PTPRD: variants seen among roughly 807,000 people sequenced by gnomAD.
PTPRD encodes the protein receptor-type tyrosine-protein phosphatase delta.
PTPRD carries 34 observed loss-of-function variants against 214.5 expected under a neutral mutation model. The observed-to-expected ratio is 0.16, with a 90% confidence interval of 0.12 to 0.21. The LOEUF (loss-of-function observed/expected upper bound fraction) is 0.21, where lower values mean the gene tolerates loss of function less well. PTPRD is among the 10% of genes least tolerant of loss of function. PTPRD has a pLI of 1.00. For synonymous variants in PTPRD, 1,128 were observed against 845.7 expected, an observed-to-expected ratio of 1.33 and a Z score of -5.79; for missense variants, 2,545 against 2,398.7, an observed-to-expected ratio of 1.06 and a Z score of -1.27.
intron 4 of PTPRD, among the ~76,000 whole-genome samples, chr9:10,023,901 T>C (rs1589137308): frequency 6.6e-6 from 1 of 152,258 alleles, no homozygotes; most frequent in Non-Finnish European, 1.5e-5. Flanking sequence ...ACTTCAGTGG[T>C]TTACAATATA....
intron 10 of PTPRD, among the ~76,000 whole-genome samples, chr9:9,049,107 G>A (rs1451451625): frequency 6.6e-6 from 1 of 152,168 alleles, no homozygotes; most frequent in Non-Finnish European, 1.5e-5. Context: ...CATTATCACT[G>A]TCTTCAAGAC....
intron 3 of PTPRD, among the ~76,000 whole-genome samples, chr9:10,063,242 T>C (rs558684600): frequency 6.6e-6 from 1 of 152,188 alleles, no homozygotes; most frequent in South Asian, 2.1e-4. Context: ...TTTTAACCAA[T>C]TCATACTGAC....
intron 3 of PTPRD, among the ~76,000 whole-genome samples, chr9:10,040,381 C>T (rs548184774): frequency 9.1e-4 from 139 of 152,122 alleles, no homozygotes; most frequent in African/African-American, 3.1e-3. Context: ...ATAAGGGGTA[C>T]GAGGAGCAGA....
rs1436975275 is a variant in PTPRD at position 10,568,080 on chromosome 9, AG to A, written c.-600+44317del. Reference sequence around the variant, plus strand: ...TGCTGCACCCATTAACTCGTCATTTAGCATTAGGTATATCTCCTAATGCTAC... The same window carrying A: ...TGCTGCACCCATTAACTCGTCATTTACATTAGGTATATCTCCTAATGCTAC... On this transcript the variant is annotated intron_variant, in intron 2 of 45. Coordinates refer to ENST00000381196, the MANE Select transcript of PTPRD (RefSeq NM_002839.4). 5.3e-5 allele frequency among the ~76,000 whole-genome samples: 8 copies of A among 151,414 alleles called. No individual in the cohort carries two copies. In the East Asian group the frequency reaches 1.4e-3, roughly 26 times the overall value.
At chr9:9,124,553 C>T (rs566271095) in intron 10 of PTPRD, among the ~76,000 whole-genome samples, 34 of 152,240 alleles carry the variant, frequency 2.2e-4, no homozygotes, top group African/African-American at 7.7e-4. Context: ...CAATTATAGA[C>T]TCTCAGCTCT....
intron 6 of PTPRD, among the ~76,000 whole-genome samples, chr9:9,760,867 T>A (rs2098648949): frequency 6.6e-6 from 1 of 152,058 alleles, no homozygotes; most frequent in Admixed American, 6.5e-5. Flanking sequence ...TATATACCTA[T>A]CAGAATGGCT....
At chr9:8,956,988 G>A (rs894044478) in intron 11 of PTPRD, among the ~76,000 whole-genome samples, 3 of 151,880 alleles carry the variant, frequency 2.0e-5, no homozygotes, top group Middle Eastern at 3.4e-3. Flanking sequence ...ATGTCCCTGC[G>A]TTAATGGCAG....
chr9:10,371,395 C>CTGTT (rs2097614447), intron 2 of PTPRD, among the ~76,000 whole-genome samples: 1 of 152,014 alleles, frequency 6.6e-6, no homozygotes, highest in Non-Finnish European at 1.5e-5. Context: ...TTTTTCCTCA[C>CTGTT]TGTTTCGCTC....
chr9:10,253,542 T>C (rs10120753), intron 3 of PTPRD, among the ~76,000 whole-genome samples: 187 of 152,322 alleles, frequency 1.2e-3, no homozygotes, highest in African/African-American at 3.1e-3. Context: ...AATTAAAACA[T>C]AGTACATGTC....
chr9:8,990,720 T>C (rs886064144), intron 11 of PTPRD, among the ~76,000 whole-genome samples: 4 of 152,130 alleles, frequency 2.6e-5, no homozygotes, highest in South Asian at 2.1e-4. Flanking sequence ...CCTTGTTTGA[T>C]AGTAGTCATA....
intron 5 of PTPRD, among the ~76,000 whole-genome samples, chr9:9,909,264 G>A (rs969379129): frequency 6.6e-6 from 1 of 150,936 alleles, no homozygotes; most frequent in Non-Finnish European, 1.5e-5. Flanking sequence ...ATATTGCTAT[G>A]GATGAATAGC....
Position 8,317,755 on chromosome 9 carries a change from C to T in PTPRD, c.*119G>A. ...TAATTTGTTTTGTGTGTAATAGTCC[C>T]ACTAAGTAGTTGTTAGCTAGAAGTT... On this transcript the variant is annotated 3_prime_UTR_variant, in exon 46 of 46. Transcript: ENST00000381196. The T allele has an allele frequency of 2.5e-6, 2 of 786,518 alleles. No homozygotes were observed. The highest frequency in any genetic ancestry group is 4.3e-6 in the Non-Finnish European group (2 of 462,564). 48.7% of individuals were successfully genotyped at this position (786,518 alleles called of 1,614,324 possible). A position where few individuals can be genotyped will look rare whatever the true frequency, so the allele number is the denominator to read the frequency against.
intron 5 of PTPRD, among the ~76,000 whole-genome samples, chr9:9,807,873 T>C (rs2045929925): frequency 6.6e-6 from 1 of 152,214 alleles, no homozygotes; most frequent in Non-Finnish European, 1.5e-5. Context: ...ATGACTCATA[T>C]AATTCTGATG....
rs575843503 is a variant in PTPRD at position 9,281,780 on chromosome 9, A to C, written c.-202-98417T>G. ...TCAAGTAAGTTGAAAACTTATGTCC[A>C]CACAAAAATGAGCACATGAATATTC... On this transcript the variant is annotated intron_variant, in intron 9 of 45. Coordinates refer to ENST00000381196, the MANE Select transcript of PTPRD (RefSeq NM_002839.4). Among the ~76,000 whole-genome samples the C allele has an allele frequency of 2.0e-5, 3 of 151,386 alleles. No individual in the cohort carries two copies. The East Asian group carries it at 5.9e-4, about 30-fold the overall frequency.
intron 10 of PTPRD, among the ~76,000 whole-genome samples, chr9:9,101,757 A>T (rs2099791733): frequency 6.6e-6 from 1 of 152,206 alleles, no homozygotes; most frequent in South Asian, 2.1e-4. Flanking sequence ...TGATTAACCC[A>T]CATGTATAGT....
At chr9:8,452,629 G>A (rs1004328158) in intron 33 of PTPRD, among the ~76,000 whole-genome samples, 2 of 152,006 alleles carry the variant, frequency 1.3e-5, no homozygotes, top group Non-Finnish European at 1.5e-5. Flanking sequence ...ATGTTAGTGC[G>A]AGTTTATTTC....
intron 39 of PTPRD, among the ~76,000 whole-genome samples, chr9:8,372,916 A>AG (rs2081995856): frequency 6.6e-6 from 1 of 151,982 alleles, no homozygotes; most frequent in African/African-American, 2.4e-5. Context: ...CCATTCTCAC[A>AG]GGATATATTG....
chr9:9,528,938 CTT>C (rs112564567), intron 8 of PTPRD, among the ~76,000 whole-genome samples: 4 of 136,686 alleles, frequency 2.9e-5, no homozygotes, highest in Non-Finnish European at 4.7e-5. Context: ...TTGTTTGTTT[CTT>C]TTTTTTTTTT....
At chr9:9,849,173 T>C (rs1173813401) in intron 5 of PTPRD, among the ~76,000 whole-genome samples, 1 of 152,062 alleles carries the variant, frequency 6.6e-6, no homozygotes. Flanking sequence ...AAACAGTTAT[T>C]GGGGAAATTG....
Sources: gnomAD v4.1 joint callset for allele counts (sites outside exome capture counted in the v4.1 genomes callset) on GRCh38, gnomAD v4.1.1 for gene constraint, MANE v1.5 for transcripts, NCBI Gene and HGNC (gene_info 2026-07-23, HGNC 2026-07-21) for gene names.